The following TENM4 variants were observed in gnomAD, a reference collection of about 807,000 sequenced individuals.
The protein encoded by TENM4 is teneurin transmembrane protein 4, also known as teneurin-4.
TENM4 carries 82 observed loss-of-function variants against 243.3 expected under a neutral mutation model. The observed-to-expected ratio is 0.34, with a 90% CI of 0.28 to 0.40. TENM4 has a LOEUF of 0.40. Among genes scored for constraint, TENM4 ranks in the 10% least tolerant of loss-of-function variants. The pLI is 1.00. For synonymous variants in TENM4, 1,412 were observed against 1,456.3 expected, an observed-to-expected ratio of 0.97 and a Z score of 0.69; for missense variants, 3,138 against 3,673.3, an observed-to-expected ratio of 0.85 and a Z score of 3.77.
At chr11:78,950,438 G>A (rs887919195) in intron 6 of TENM4, among the ~76,000 whole-genome samples, 1 of 152,164 alleles carries the variant, frequency 6.6e-6, no homozygotes, top group African/African-American at 2.4e-5. Context: ...TAGACCCTAT[G>A]GCTGCCTGAG....
chr11:79,066,731 C>T (rs371391956), intron 5 of TENM4, among the ~76,000 whole-genome samples: 108 of 28,396 alleles, frequency 3.8e-3, no homozygotes, highest in Middle Eastern at 0.025. Context: ...AGCACACACG[C>T]GCACGCACAT....
intron 1 of TENM4, among the ~76,000 whole-genome samples, chr11:79,401,343 G>GTGCAAC (rs1489602902): frequency 6.6e-6 from 1 of 152,178 alleles, no homozygotes; most frequent in Non-Finnish European, 1.5e-5. Flanking sequence ...AAAGAACACA[G>GTGCAAC]TGCAACAAGT....
At chr11:79,398,737 TAAAA>T (rs5792854) in intron 1 of TENM4, among the ~76,000 whole-genome samples, 6 of 102,784 alleles carry the variant, frequency 5.8e-5, no homozygotes, top group African/African-American at 2.3e-4. Flanking sequence ...TCAGATGCTT[TAAAA>T]AAAAAAAAAA....
At chr11:78,697,550 C>T (rs558687474) in intron 28 of TENM4, among the ~76,000 whole-genome samples, 4 of 152,304 alleles carry the variant, frequency 2.6e-5, no homozygotes, top group East Asian at 1.9e-4. Flanking sequence ...GGTGCTCAGA[C>T]GTGAATCTAG....
intron 4 of TENM4, among the ~76,000 whole-genome samples, chr11:79,109,080 G>A (rs1238286911): frequency 6.6e-6 from 1 of 152,166 alleles, no homozygotes; most frequent in East Asian, 1.9e-4. Flanking sequence ...ATTCCCCTCA[G>A]AGCTGGTTGT....
chr11:78,877,144 T>C (rs540363856), intron 9 of TENM4, among the ~76,000 whole-genome samples: 1 of 152,346 alleles, frequency 6.6e-6, no homozygotes, highest in Non-Finnish European at 1.5e-5. Flanking sequence ...TTGCTGTCTT[T>C]AGAAGGATGA....
In TENM4 at chr11:78,696,005, A is replaced by T. The variant is rs1858951464; in HGVS notation, c.5087+5521T>A. ...CCTATTTTTTCCCTCTTCTCCTGGA[A>T]TTCCAATTACATGTATATCAGACTA... On this transcript the variant is annotated intron_variant, in intron 28 of 33. Transcript: ENST00000278550. 2.6e-5 allele frequency among the ~76,000 whole-genome samples: 4 copies of T among 151,902 alleles called. No individual in the cohort carries two copies. In the South Asian group the frequency reaches 8.3e-4, roughly 32 times the overall value.
chr11:78,701,843 A>G lies in TENM4; in HGVS notation c.4770T>C (p.Asp1590=), dbSNP rs755355924. Residue 1590 remains aspartate (D), a synonymous_variant, in exon 28 of 34, where the codon GAT becomes GAC. Transcript: ENST00000278550. ...GGGTGTACAGGTGCTTGCCGGTGGT[A>G]TCAAACAGATAGAGCTCCTGGTCAA... ...SPIDQELYLF[D]TTGKHLYTQS... The G allele has an allele frequency of 1.2e-6, 2 of 1,613,990 alleles. No homozygotes were observed. The highest frequency in any genetic ancestry group is 2.2e-5 in the South Asian group (2 of 91,078).
At chr11:79,100,223 C>T (rs1308348629) in intron 4 of TENM4, among the ~76,000 whole-genome samples, 2 of 152,154 alleles carry the variant, frequency 1.3e-5, no homozygotes, top group East Asian at 1.9e-4. Context: ...AGTTATTTCG[C>T]ACTTTTCTCA....
chr11:79,108,997 G>T (rs534975047), intron 4 of TENM4, among the ~76,000 whole-genome samples: 21 of 152,182 alleles, frequency 1.4e-4, no homozygotes, highest in Middle Eastern at 3.4e-3. Context: ...CGCCCAGAAG[G>T]CCTGGGATAA....
chr11:79,349,479 G>GAATC (rs964043638), intron 1 of TENM4, among the ~76,000 whole-genome samples: 1 of 152,144 alleles, frequency 6.6e-6, no homozygotes, highest in African/African-American at 2.4e-5. Context: ...TGAGTCCCCA[G>GAATC]AATCAATCAA....
At chr11:78,683,381 T>C (rs1181669664) in intron 29 of TENM4, among the ~76,000 whole-genome samples, 4 of 71,638 alleles carry the variant, frequency 5.6e-5, no homozygotes, top group South Asian at 3.2e-4. Context: ...CCCAGCCTCG[T>C]TGCCGCCTTG....
At chr11:78,733,777 T>C (rs1855724680) in intron 20 of TENM4, among the ~76,000 whole-genome samples, 1 of 152,128 alleles carries the variant, frequency 6.6e-6, no homozygotes, top group African/African-American at 2.4e-5. Context: ...AGATTATAGA[T>C]AATGGGAAAA....
At chr11:78,706,444 C>G (rs975824115) in intron 27 of TENM4, among the ~76,000 whole-genome samples, 5 of 152,216 alleles carry the variant, frequency 3.3e-5, no homozygotes, top group Admixed American at 2.6e-4. Flanking sequence ...TGCTTACCTC[C>G]CTGCTCCCCA....
intron 1 of TENM4, among the ~76,000 whole-genome samples, chr11:79,297,990 G>T (rs1856484465): frequency 6.6e-6 from 1 of 150,486 alleles, no homozygotes; most frequent in Non-Finnish European, 1.5e-5. Flanking sequence ...AGGCTATCAA[G>T]ATATCCCATA....
chr11:79,211,074 G>A (rs1482847196), intron 3 of TENM4, among the ~76,000 whole-genome samples: 2 of 152,138 alleles, frequency 1.3e-5, no homozygotes, highest in East Asian at 3.9e-4. Flanking sequence ...ACCCACCAGG[G>A]TTCTGGGTGA....
chr11:78,657,917 A>G lies in TENM4; in HGVS notation c.*141T>C. 7.7e-7 allele frequency: 1 copy of G among 1,301,702 alleles called. No individual in the cohort carries two copies. The highest frequency in any genetic ancestry group is 1.1e-6 in the Non-Finnish European group (1 of 911,652). The allele number at this position is 1,301,702 out of a possible 1,614,324, so 80.6% of individuals were successfully genotyped here. A position where few individuals can be genotyped will look rare whatever the true frequency, so the allele number is the denominator to read the frequency against. ...GTGTTTTTCTTTTCTAAAAAAAAGG[A>G]TGTTGCATGAGTTACAATGCAACCA... On this transcript the variant is annotated 3_prime_UTR_variant, in exon 34 of 34. Coordinates refer to ENST00000278550, the MANE Select transcript of TENM4 (RefSeq NM_001098816.3).
At chr11:79,297,152 G>C (rs1037023473) in intron 2 of TENM4, among the ~76,000 whole-genome samples, 1 of 152,204 alleles carries the variant, frequency 6.6e-6, no homozygotes, top group African/African-American at 2.4e-5. Flanking sequence ...TGAAGGGAGA[G>C]TGAGTGTCAC....
intron 6 of TENM4, among the ~76,000 whole-genome samples, chr11:79,064,103 A>G (rs1860175250): frequency 6.6e-6 from 1 of 152,084 alleles, no homozygotes. Context: ...TTGTGGTGAG[A>G]ATATTTAAAA....
Sources: gnomAD v4.1 joint callset for allele counts (sites outside exome capture counted in the v4.1 genomes callset) on GRCh38, gnomAD v4.1.1 for gene constraint, MANE v1.5 for transcripts, NCBI Gene and HGNC (gene_info 2026-07-23, HGNC 2026-07-21) for gene names.